Variants in BSN observed in about 807,000 individuals in gnomAD.
The protein encoded by BSN is bassoon presynaptic cytomatrix protein.
BSN carries 57 observed loss-of-function variants against 264.8 expected under a neutral mutation model. The ratio of observed to expected loss-of-function variants is 0.22; its 90% CI spans 0.17 to 0.27. BSN has a LOEUF of 0.27. BSN is among the 10% of genes least tolerant of loss of function. BSN has a pLI of 1.00. For missense variants in BSN, 4,615 were observed against 5,232.5 expected (o/e 0.88, Z 3.64); for synonymous variants, 2,059 against 2,137.3 (o/e 0.96, Z 1.01).
Position 49,625,240 on chromosome 3 carries a change from C to T in BSN, c.490C>T (p.Leu164Phe), listed in dbSNP as rs1050011604. The T allele has an allele frequency of 7.5e-6, 12 of 1,595,890 alleles. No individual in the cohort carries two copies. Among genetic ancestry groups the T allele is most frequent in the Admixed American group, 1.8e-5 (1 of 56,316 alleles). Residue 164 changes from leucine to phenylalanine, a missense_variant, in exon 2 of 12, where the codon CTT (leucine) becomes TTT (phenylalanine). Transcript: ENST00000296452. This position sits in a 1 kb window ranked among gnomAD's most constrained non-coding sequence, Gnocchi z 4.4. ...CTACTCCGTCCCTCAGATCGCCCCC[C>T]TTCCCAGCAGCACGCTGTGTCCCAT... is the stretch of plus-strand genomic sequence containing the variant. ...SPYSVPQIAP[L>F]PSSTLCPICK...
chr3:49,627,914 G>A (rs1386278194), intron 2 of BSN, among the ~76,000 whole-genome samples: 2 of 152,178 alleles, frequency 1.3e-5, no homozygotes, highest in Non-Finnish European at 2.9e-5. Context: ...AGAGTGTCCT[G>A]GGGATCCTGT....
At chr3:49,581,894 A>T (rs1310094889) in intron 1 of BSN, among the ~76,000 whole-genome samples, 1 of 152,152 alleles carries the variant, frequency 6.6e-6, no homozygotes, top group African/African-American at 2.4e-5. Flanking sequence ...GGGGTCTTGG[A>T]ACATATCCCC....
intron 1 of BSN, among the ~76,000 whole-genome samples, chr3:49,560,915 G>A (rs903991242): frequency 5.3e-5 from 8 of 152,194 alleles, no homozygotes; most frequent in African/African-American, 1.7e-4. Context: ...TTAGGTTCTG[G>A]TCAGCTCTGC....
chr3:49,597,850 A>G (rs937690559), intron 1 of BSN, among the ~76,000 whole-genome samples: 1 of 151,568 alleles, frequency 6.6e-6, no homozygotes, highest in Admixed American at 6.6e-5. Flanking sequence ...TCACTCTGTT[A>G]GCCAGGATGG....
chr3:49,557,250 G>A (rs1201729175), intron 1 of BSN, among the ~76,000 whole-genome samples: 1 of 152,216 alleles, frequency 6.6e-6, no homozygotes, highest in Non-Finnish European at 1.5e-5. Context: ...TTTCCAAGGA[G>A]TGCTGGTTTG....
At chr3:49,599,566 C>A (rs956683761) in intron 1 of BSN, among the ~76,000 whole-genome samples, 1 of 152,066 alleles carries the variant, frequency 6.6e-6, no homozygotes, top group Non-Finnish European at 1.5e-5. Context: ...GAGTTGTTGT[C>A]CAAACACCAC....
At chr3:49,593,173 C>CT (rs2051993797) in intron 1 of BSN, among the ~76,000 whole-genome samples, 1 of 152,108 alleles carries the variant, frequency 6.6e-6, no homozygotes, top group Non-Finnish European at 1.5e-5. Context: ...TTGGGGTTGG[C>CT]TTTTTTCACT....
In BSN at chr3:49,657,084, T is replaced by G; in HGVS notation, c.7528T>G (p.Phe2510Val). 1.9e-6 allele frequency: 3 copies of G among 1,609,858 alleles called. No homozygotes were observed. The highest frequency in any genetic ancestry group is 2.5e-6 in the Non-Finnish European group (3 of 1,177,400). The change falls in exon 5 of 12, where the codon TTC becomes GTC. Residue 2510 changes from phenylalanine (F) to valine (V), a missense_variant. This residue lies in a region of BSN where 3,415 missense variants were observed against 3,866.4 expected (regional missense o/e 0.88). Transcript: ENST00000296452. ...TTGGCCCCCCCTTACACATGCAGCC[T>G]TCATTGCCATGGCAGGGCCTGAAGG... ...QYWPPLTHAAFIAMAGPEGLG... is the reference protein window; with the variant it reads ...QYWPPLTHAAVIAMAGPEGLG...
chr3:49,662,990 G>A lies in BSN; in HGVS notation c.10832G>A (p.Gly3611Asp). The change falls in exon 7 of 12, where the codon GGC becomes GAC. Residue 3611 changes from glycine (G) to aspartate (D), a missense_variant. Coordinates refer to ENST00000296452, the MANE Select transcript of BSN (RefSeq NM_003458.4). ...HAVSSSSQKR[G>D]PARHSYHDYD... ...GTTTCCTCCTCCTCCCAGAAGCGAG[G>A]CCCTGCCAGGCACAGCTACCATGAC... is the stretch of plus-strand genomic sequence containing the variant. 1 of 1,614,112 alleles carries A rather than the reference G, an allele frequency of 6.2e-7. No homozygotes were observed. Among genetic ancestry groups the A allele is most frequent in the Non-Finnish European group, 8.5e-7 (1 of 1,180,012 alleles).
chr3:49,591,552 T>C lies in BSN; in HGVS notation c.225-33423T>C, dbSNP rs555413372. Among the ~76,000 whole-genome samples, 63 of 152,304 alleles carry C rather than the reference T, an allele frequency of 4.1e-4. 1 individual carries two copies. The highest frequency in any genetic ancestry group is 1.5e-4 in the Non-Finnish European group (10 of 68,026). On this transcript the variant is annotated intron_variant, in intron 1 of 11. Transcript: ENST00000296452. ...TTTTGTTTATCTGGTAATATCTTTA[T>C]TTTGCCTTTATTTAAAACTAATCTA...
At chr3:49,631,748 T>C (rs1390609191) in intron 2 of BSN, among the ~76,000 whole-genome samples, 1 of 152,122 alleles carries the variant, frequency 6.6e-6, no homozygotes, top group Admixed American at 6.5e-5. Context: ...GGCATGCAGG[T>C]CCTGCTGGGC....
In BSN at chr3:49,642,744, G is replaced by T. The variant is rs767222175; in HGVS notation, c.1110G>T (p.Glu370Asp). ...QASTLMSVQP[E>D]ADTQGQPAPS... ...GCACCCTCATGTCTGTGCAGCCCGA[G>T]GCTGACACCCAGGGCCAGCCTGCCC... Residue 370 changes from glutamate to aspartate, a missense_variant, in exon 3 of 12, where the codon GAG becomes GAT. This residue lies in a region of BSN where 1,197 missense variants were observed against 1,348.0 expected (regional missense o/e 0.89). Coordinates refer to ENST00000296452, the MANE Select transcript of BSN (RefSeq NM_003458.4). This position sits in a 1 kb window ranked among gnomAD's most constrained non-coding sequence, Gnocchi z 7.0. The T allele has an allele frequency of 1.2e-6, 2 of 1,613,426 alleles. No homozygotes were observed. The highest frequency in any genetic ancestry group is 2.2e-5 in the South Asian group (2 of 91,082).
At chr3:49,624,298 G>T (rs2052326246) in intron 1 of BSN, among the ~76,000 whole-genome samples, 2 of 24,918 alleles carry the variant, frequency 8.0e-5, no homozygotes, top group East Asian at 5.2e-3. Context: ...AACGTGCCCA[G>T]CCTTTTTTTT....
At position 49,662,310 on chromosome 3, in the gene BSN, G is replaced by T. The variant is rs747138551; in HGVS notation, c.10465G>T (p.Ala3489Ser). ...AGPKPSSLSM[A>S]HSRVRPPMRS... ...CCCCAAGCCCTCATCCCTAAGTATGGCCCACAGCCGGGTACGACCCCCCAT... is the reference window on the plus strand; with the variant it reads ...CCCCAAGCCCTCATCCCTAAGTATGTCCCACAGCCGGGTACGACCCCCCAT... Residue 3489 changes from alanine (A) to serine (S), a missense_variant, in exon 6 of 12, where the codon GCC (alanine) becomes TCC (serine). Ala to Ser is a moderately conservative substitution (Grantham distance 99, BLOSUM62 1). This residue lies in a region of BSN where 3,415 missense variants were observed against 3,866.4 expected (regional missense o/e 0.88). Transcript: ENST00000296452. 6.2e-7 allele frequency: 1 copy of T among 1,613,756 alleles called. No individual in the cohort carries two copies. Among genetic ancestry groups the T allele is most frequent in the South Asian group, 1.1e-5 (1 of 91,086 alleles).
chr3:49,581,535 A>G (rs906307986), intron 1 of BSN, among the ~76,000 whole-genome samples: 2 of 152,198 alleles, frequency 1.3e-5, no homozygotes, highest in African/African-American at 4.8e-5. Context: ...TATATGTAGG[A>G]AAAAACAAGG....
intron 1 of BSN, among the ~76,000 whole-genome samples, chr3:49,606,209 ATGT>A (rs2052143178): frequency 2.0e-5 from 1 of 49,908 alleles, no homozygotes; most frequent in Non-Finnish European, 3.6e-5. Context: ...TATATTATAT[ATGT>A]ATATATTATA....
intron 2 of BSN, chr3:49,641,497 A>G (rs528484987): frequency 6.6e-6 from 1 of 152,368 alleles, no homozygotes; most frequent in African/African-American, 2.4e-5. Flanking sequence ...TGTTTATCAC[A>G]TGGATAGCGG....
At chr3:49,646,099 T>C (rs1243559572) in intron 3 of BSN, among the ~76,000 whole-genome samples, 1 of 152,234 alleles carries the variant, frequency 6.6e-6, no homozygotes, top group Non-Finnish European at 1.5e-5. Context: ...TGTAGAAATC[T>C]TTCTTCTTTC....
intron 1 of BSN, among the ~76,000 whole-genome samples, chr3:49,574,834 C>T (rs145606232): frequency 0.011 from 1,745 of 151,742 alleles, 30 homozygotes; most frequent in African/African-American, 0.041. Context: ...GATGGGGTTT[C>T]ACCATGTTGG....
Sources: gnomAD v4.1 joint callset for allele counts (sites outside exome capture counted in the v4.1 genomes callset) on GRCh38, gnomAD v4.1.1 for gene constraint, gnomAD v4.1.1 regional missense constraint, Gnocchi (gnomAD v3.1) non-coding constraint, MANE v1.5 for transcripts, NCBI Gene and HGNC (gene_info 2026-07-23, HGNC 2026-07-21) for gene names.